The following CPNE3 variants were observed in gnomAD, a reference collection of about 807,000 sequenced individuals.
CPNE3 encodes copine-3.
CPNE3 carries 68 observed loss-of-function variants against 63.9 expected under a neutral mutation model. The ratio of observed to expected loss-of-function variants is 1.06; its 90% confidence interval spans 0.87 to 1.30. The LOEUF (loss-of-function observed/expected upper bound fraction) is 1.30, where lower values mean the gene tolerates loss of function less well. Among genes scored for constraint, CPNE3 ranks in the 50% most tolerant of loss-of-function variants. The probability of loss-of-function intolerance (pLI) is 0.00; values close to 1 mark genes in which losing one functional copy is unlikely to be tolerated. For missense variants in CPNE3, 665 were observed against 578.1 expected (o/e 1.15, Z -1.54); for synonymous variants, 219 against 197.5 (o/e 1.11, Z -0.91).
intron 8 of CPNE3, among the ~76,000 whole-genome samples, chr8:86,541,950 T>C (rs375814906): frequency 6.6e-6 from 1 of 152,188 alleles, no homozygotes; most frequent in African/African-American, 2.4e-5. Flanking sequence ...AGAAGGCAGG[T>C]AAATCTAGGG....
chr8:86,535,601 G>A (rs1232193221), intron 6 of CPNE3, among the ~76,000 whole-genome samples: 2 of 152,058 alleles, frequency 1.3e-5, no homozygotes, highest in Non-Finnish European at 2.9e-5. Context: ...CCAGGAGGGG[G>A]AGGTTACAGT....
At chr8:86,531,015 C>A (rs1820670588) in intron 4 of CPNE3, 140 bp from the exon 5 acceptor site, 2 of 612,550 alleles carry the variant, frequency 3.3e-6, no homozygotes, top group South Asian at 3.9e-5. Flanking sequence ...TGATCTAAAT[C>A]TTTAAGAAAC....
intron 15 of CPNE3, among the ~76,000 whole-genome samples, chr8:86,555,628 C>T (rs2131504453): frequency 6.6e-6 from 1 of 152,214 alleles, no homozygotes; most frequent in Non-Finnish European, 1.5e-5. Flanking sequence ...TTAGGTGACA[C>T]AATCTGGGGG....
intron 8 of CPNE3, among the ~76,000 whole-genome samples, chr8:86,540,716 G>T (rs113424953): frequency 6.6e-6 from 1 of 152,096 alleles, no homozygotes; most frequent in African/African-American, 2.4e-5. Context: ...AGATGTTACC[G>T]TAAGAACTCA....
chr8:86,530,326 C>A (rs1390146655), intron 4 of CPNE3, among the ~76,000 whole-genome samples: 1 of 152,144 alleles, frequency 6.6e-6, no homozygotes, highest in African/African-American at 2.4e-5. Flanking sequence ...CACGCCACTG[C>A]ACCTGGCTAA....
At chr8:86,552,663 C>T (rs1821207478) in intron 14 of CPNE3, among the ~76,000 whole-genome samples, 1 of 150,332 alleles carries the variant, frequency 6.7e-6, no homozygotes. Flanking sequence ...TATTTTAAGG[C>T]AAGGAAGTTT....
intron 14 of CPNE3, 133 bp downstream of exon 14, chr8:86,551,367 C>T (rs1015677211): frequency 2.2e-5 from 15 of 684,090 alleles, no homozygotes; most frequent in Non-Finnish European, 3.4e-5. Context: ...CATTTTCTTA[C>T]ATATTTAACT....
intron 2 of CPNE3, among the ~76,000 whole-genome samples, chr8:86,526,888 T>G (rs1820553118): frequency 6.6e-6 from 1 of 152,196 alleles, no homozygotes; most frequent in East Asian, 1.9e-4. Flanking sequence ...TCTCTATTTA[T>G]TTAGGAATCT....
intron 2 of CPNE3, among the ~76,000 whole-genome samples, chr8:86,522,136 A>G (rs1820446746): frequency 6.6e-6 from 1 of 152,110 alleles, no homozygotes; most frequent in African/African-American, 2.4e-5. Flanking sequence ...TTTGTAGTGG[A>G]GTATAGTTTT....
intron 16 of CPNE3, 123 bp downstream of exon 16, chr8:86,556,461 A>G (rs1465555528): frequency 1.8e-5 from 13 of 719,908 alleles, no homozygotes; most frequent in Non-Finnish European, 3.3e-5. Flanking sequence ...TCCTTTGTCC[A>G]TTTGAGAGCT....
At position 86,544,725 on chromosome 8, in the gene CPNE3, T is replaced by C. The variant is rs760918240; in HGVS notation, c.634-15T>C. 7.8e-7 allele frequency: 1 copy of C among 1,275,668 alleles called. No individual in the cohort carries two copies. The allele number at this position is 1,275,668 out of a possible 1,614,324, so 79.0% of individuals were successfully genotyped here. On this transcript the variant is annotated splice_polypyrimidine_tract_variant and intron_variant, in intron 8 of 16. Transcript: ENST00000517490. Reference sequence around the variant, plus strand: ...TATATTGATTTTTATATATTTTTATTATATTTAATTTCAGGTGGAGTGTTA... The same window carrying C: ...TATATTGATTTTTATATATTTTTATCATATTTAATTTCAGGTGGAGTGTTA...
At chr8:86,555,234 C>CAAA (rs779325860) in intron 15 of CPNE3, among the ~76,000 whole-genome samples, 12 of 135,640 alleles carry the variant, frequency 8.8e-5, no homozygotes, top group African/African-American at 2.9e-4. Context: ...TAGGTTCTAC[C>CAAA]AAAAAAAAAA....
Position 86,556,474 on chromosome 8 carries a change from G to T in CPNE3, c.1491+136G>T. 3 of 694,448 alleles carry T rather than the reference G, an allele frequency of 4.3e-6. No individual in the cohort carries two copies. The South Asian group carries it at 4.9e-5, about 11-fold the overall frequency. 43.0% of individuals were successfully genotyped at this position (694,448 alleles called of 1,614,324 possible). A position where few individuals can be genotyped will look rare whatever the true frequency, so the allele number is the denominator to read the frequency against. On this transcript the variant is annotated intron_variant, in intron 16 of 16. Transcript: ENST00000517490. ...TTTCCTTTGTCCATTTGAGAGCTCCGATTTGGTTTAGCAGTGTTGCTTCAG... is the reference window on the plus strand; with the variant it reads ...TTTCCTTTGTCCATTTGAGAGCTCCTATTTGGTTTAGCAGTGTTGCTTCAG...
In CPNE3 at chr8:86,551,167, T is replaced by C. The variant is rs1439382317; in HGVS notation, c.1069-16T>C. On this transcript the variant is annotated splice_polypyrimidine_tract_variant and intron_variant, in intron 13 of 16. Coordinates refer to ENST00000517490, the MANE Select transcript of CPNE3 (RefSeq NM_003909.5). ...AGCAGCCCAGCCCTCATCAGTCCTT[T>C]GTCCATCTTTGACAGGTATCACATG... is the stretch of plus-strand genomic sequence containing the variant. 1 of 1,613,502 alleles carries C rather than the reference T, an allele frequency of 6.2e-7. No homozygotes were observed. The highest frequency in any genetic ancestry group is 2.2e-5 in the East Asian group (1 of 44,888).
chr8:86,551,315 T>A, intron 14 of CPNE3, 81 bp downstream of exon 14: 1 of 1,021,606 alleles, frequency 9.8e-7, no homozygotes, highest in Non-Finnish European at 1.5e-6. Flanking sequence ...TCTTTGTTTT[T>A]TTTCTTGTGA....
In CPNE3 at chr8:86,525,301, T is replaced by C. The variant is rs538395410; in HGVS notation, c.-10-3235T>C. On this transcript the variant is annotated intron_variant, in intron 2 of 16. Coordinates refer to ENST00000517490, the MANE Select transcript of CPNE3 (RefSeq NM_003909.5). ...TATGCCCAGCTCCCATTATGATTTG[T>C]GGATAAAGTATACTATTGCTCTCTT... is the stretch of plus-strand genomic sequence containing the variant. Among the ~76,000 whole-genome samples, 3 of 152,302 alleles carry C rather than the reference T, an allele frequency of 2.0e-5. No homozygotes were observed. In the East Asian group the frequency reaches 5.8e-4, roughly 29 times the overall value.
At chr8:86,529,978 G>T (rs1232538796) in intron 4 of CPNE3, among the ~76,000 whole-genome samples, 1 of 151,894 alleles carries the variant, frequency 6.6e-6, no homozygotes, top group Non-Finnish European at 1.5e-5. Context: ...AAAAAATTGA[G>T]GAAGTATTTC....
intron 6 of CPNE3, among the ~76,000 whole-genome samples, chr8:86,536,708 C>T (rs1820810329): frequency 6.6e-6 from 1 of 152,084 alleles, no homozygotes; most frequent in Non-Finnish European, 1.5e-5. Context: ...TCAAAAATAA[C>T]AAGTCATAAA....
intron 15 of CPNE3, 77 bp downstream of exon 15, chr8:86,555,061 G>A: frequency 1.3e-6 from 2 of 1,592,278 alleles, no homozygotes; most frequent in South Asian, 2.3e-5. Context: ...TATGTTTTTG[G>A]TTTGTCATAA....
Sources: gnomAD v4.1 joint callset for allele counts (sites outside exome capture counted in the v4.1 genomes callset) on GRCh38, gnomAD v4.1.1 for gene constraint, MANE v1.5 for transcripts, NCBI Gene and HGNC (gene_info 2026-07-23, HGNC 2026-07-21) for gene names.